SLC35F2: variants seen among roughly 807,000 people sequenced by gnomAD.
SLC35F2 encodes the protein queuine/queuosine transporter SLC35F2.
In SLC35F2, 25 loss-of-function variants were observed where a neutral mutation model predicts 38.1. That is an observed-to-expected ratio of 0.66 (90% CI 0.48 to 0.92). The LOEUF is 0.92. SLC35F2 is among the 40% of genes least tolerant of loss of function. The pLI is 0.00. For synonymous variants in SLC35F2, 173 were observed against 181.7 expected (o/e 0.95, Z 0.38); for missense variants, 409 against 452.9 (o/e 0.90, Z 0.88).
intron 1 of SLC35F2, among the ~76,000 whole-genome samples, chr11:107,825,961 C>G (rs563805588): frequency 3.3e-5 from 5 of 152,040 alleles, no homozygotes; most frequent in Non-Finnish European, 7.4e-5. Flanking sequence ...GCAATTTTGT[C>G]TCAAGGAATC....
chr11:107,853,706 C>T (rs371770231), intron 1 of SLC35F2, among the ~76,000 whole-genome samples: 6 of 115,980 alleles, frequency 5.2e-5, no homozygotes, highest in African/African-American at 2.0e-4. Flanking sequence ...GGCGACAGAG[C>T]GAGACTCCGT....
In SLC35F2 at chr11:107,816,125, A is replaced by T. The variant is rs554741708; in HGVS notation, c.111-160T>A. On this transcript the variant is annotated intron_variant, in intron 1 of 7. Coordinates refer to ENST00000525815, the MANE Select transcript of SLC35F2 (RefSeq NM_017515.5). ...TTCATGAAATAAAAATTAAAATGTTAGTTACTGAAGGACTACATTTTTATT... is the reference window on the plus strand; with the variant it reads ...TTCATGAAATAAAAATTAAAATGTTTGTTACTGAAGGACTACATTTTTATT... 5.4e-5 allele frequency: 53 copies of T among 985,140 alleles called. No homozygotes were observed. In the African/African-American group the frequency reaches 9.1e-4, roughly 17 times the overall value. The allele number at this position is 985,140 out of a possible 1,614,324, so 61.0% of individuals were successfully genotyped here.
chr11:107,810,388 T>A, intron 3 of SLC35F2: 1 of 985,260 alleles, frequency 1.0e-6, no homozygotes, highest in South Asian at 4.7e-5. Context: ...ATTCAAAACT[T>A]TTTATCATTA....
intron 6 of SLC35F2, 85 bp downstream of exon 6, chr11:107,804,633 A>T: frequency 9.8e-7 from 1 of 1,019,500 alleles, no homozygotes; most frequent in Non-Finnish European, 1.5e-6. Flanking sequence ...AGACGTCTAA[A>T]TATTATTAAA....
chr11:107,805,453 T>G lies in SLC35F2; in HGVS notation c.637A>C (p.Asn213His), dbSNP rs768207402. The change falls in exon 5 of 8, where the codon AAT (asparagine) becomes CAT (histidine). Residue 213 changes from asparagine (N) to histidine (H), a missense_variant. Transcript: ENST00000525815. The part of the protein sequence containing the change: ...LLGASLYAIS[N>H]VCEEYIVKKL... ...TTCACGATGTATTCCTCACAAACAT[T>G]TGAAATGGCATAGAGGGAAGCCCCA... is the stretch of plus-strand genomic sequence containing the variant. 1.9e-6 allele frequency: 3 copies of G among 1,613,980 alleles called. No homozygotes were observed. The highest frequency in any genetic ancestry group is 1.3e-5 in the African/African-American group (1 of 74,910).
intron 1 of SLC35F2, among the ~76,000 whole-genome samples, chr11:107,845,898 T>C (rs10890768): frequency 0.44 from 66,501 of 150,662 alleles, 14,705 homozygotes; most frequent in Admixed American, 0.54. Context: ...GGTTGCAGTG[T>C]GCCAAGATCG....
intron 1 of SLC35F2, among the ~76,000 whole-genome samples, chr11:107,848,130 T>C (rs189759509): frequency 2.0e-5 from 3 of 152,230 alleles, no homozygotes; most frequent in Admixed American, 1.3e-4. Context: ...ATGGTGATGA[T>C]TGCACAGTAT....
chr11:107,799,383 T>A (rs1471364623), intron 7 of SLC35F2, among the ~76,000 whole-genome samples: 1 of 152,182 alleles, frequency 6.6e-6, no homozygotes, highest in Non-Finnish European at 1.5e-5. Flanking sequence ...TTGAAAGCAG[T>A]TGAAGCCAAA....
At chr11:107,843,868 AATATATATAT>A (rs1178673709) in intron 1 of SLC35F2, among the ~76,000 whole-genome samples, 1,474 of 46,708 alleles carry the variant, frequency 0.032, 72 homozygotes, top group Admixed American at 0.14. Context: ...AAAAAAAAAA[AATATATATAT>A]ATATATATAT....
Position 107,811,666 on chromosome 11 carries a change from C to A in SLC35F2, c.414+1G>T. 6.2e-7 allele frequency: 1 copy of A among 1,609,714 alleles called. No individual in the cohort carries two copies. Among genetic ancestry groups the A allele is most frequent in the East Asian group, 2.2e-5 (1 of 44,802 alleles). ...AAAGTGGTCAGAGGGCTCCCTCTTA[C>A]CTGGACACTGGTTAGAGTTGTGTAC... On this transcript the variant is annotated splice_donor_variant, in intron 3 of 7. Coordinates refer to ENST00000525815, the MANE Select transcript of SLC35F2 (RefSeq NM_017515.5). LOFTEE classifies it high-confidence loss of function.
intron 1 of SLC35F2, chr11:107,840,784 C>G (rs1292986752): frequency 1.3e-5 from 2 of 151,830 alleles, no homozygotes; most frequent in Non-Finnish European, 2.9e-5. Context: ...TTTTTCTTTC[C>G]TATGCCAGTG....
intron 1 of SLC35F2, among the ~76,000 whole-genome samples, chr11:107,846,293 T>C (rs901435726): frequency 4.6e-5 from 7 of 151,984 alleles, no homozygotes; most frequent in African/African-American, 1.4e-4. Context: ...TCAACGCCCA[T>C]GAACGTATTG....
rs564766647 is a variant in SLC35F2, at chr11:107,794,747, AAAG to A, written c.940-1950_940-1948del. Among the ~76,000 whole-genome samples, 127 of 152,328 alleles carry A rather than the reference AAAG, an allele frequency of 8.3e-4. 2 individuals are homozygous for A. In the Middle Eastern group the frequency reaches 0.02, roughly 24 times the overall value. On this transcript the variant is annotated intron_variant, in intron 7 of 7. Transcript: ENST00000525815. The stretch of plus-strand genomic sequence containing the variant: ...AGAAATAAGAGGCATCCAAATTAGA[AAAG>A]AAGAAGTTAAATTATCCCTCTCTGT...
Position 107,820,150 on chromosome 11 carries a change from G to GA in SLC35F2, c.111-4186dup, listed in dbSNP as rs1432872469. ...ACACGCCTGTAATCCCAGCTTCTCGGAGGCTGAGGGAGGAAAATCGCTTGA... is the reference window on the plus strand; with the variant it reads ...ACACGCCTGTAATCCCAGCTTCTCGGAAGGCTGAGGGAGGAAAATCGCTTGA... On this transcript the variant is annotated intron_variant, in intron 1 of 7. Coordinates refer to ENST00000525815, the MANE Select transcript of SLC35F2 (RefSeq NM_017515.5). Among the ~76,000 whole-genome samples, 16 of 151,734 alleles carry GA rather than the reference G, an allele frequency of 1.1e-4. 1 individual carries two copies. Among genetic ancestry groups the GA allele is most frequent in the South Asian group, 4.2e-4 (2 of 4,784 alleles).
chr11:107,831,111 G>A (rs1386078973), intron 1 of SLC35F2, among the ~76,000 whole-genome samples: 2 of 151,994 alleles, frequency 1.3e-5, no homozygotes, highest in Non-Finnish European at 2.9e-5. Context: ...TTGCTGCAAA[G>A]GTAAAAAATG....
chr11:107,829,741 A>C (rs2070332712), intron 1 of SLC35F2, among the ~76,000 whole-genome samples: 1 of 151,880 alleles, frequency 6.6e-6, no homozygotes, highest in Non-Finnish European at 1.5e-5. Context: ...GTCCATGAAA[A>C]TATTCTAGGG....
intron 1 of SLC35F2, chr11:107,821,617 A>T (rs1859674657): frequency 1.0e-6 from 1 of 985,318 alleles, no homozygotes; most frequent in South Asian, 4.7e-5. Flanking sequence ...GTGAATTCTG[A>T]ACAGAGGAAC....
intron 1 of SLC35F2, among the ~76,000 whole-genome samples, chr11:107,849,292 C>T (rs1173583211): frequency 3.3e-5 from 5 of 152,040 alleles, no homozygotes; most frequent in Non-Finnish European, 7.4e-5. Context: ...TGGATGGAAG[C>T]TATTACAACA....
intron 1 of SLC35F2, among the ~76,000 whole-genome samples, chr11:107,841,144 ATT>A (rs1432422633): frequency 6.6e-6 from 1 of 152,180 alleles, no homozygotes; most frequent in Non-Finnish European, 1.5e-5. Flanking sequence ...CAAGCCCAAA[ATT>A]TTGTCAGTCT....
Sources: allele counts gnomAD v4.1 joint callset (sites outside exome capture counted in the v4.1 genomes callset), GRCh38; gene constraint gnomAD v4.1.1; transcripts MANE v1.5; gene names NCBI Gene and HGNC (gene_info 2026-07-23, HGNC 2026-07-21).